NPR3: variants seen among roughly 807,000 people sequenced by gnomAD.
NPR3 encodes the protein natriuretic peptide receptor 3.
NPR3 carries 34 observed loss-of-function variants against 54.5 expected under a neutral mutation model. That is an observed-to-expected ratio of 0.62 (90% CI 0.47 to 0.83). The LOEUF (loss-of-function observed/expected upper bound fraction) is 0.83, where lower values mean the gene tolerates loss of function less well. Ranked by LOEUF, NPR3 falls within the 40% of genes least tolerant of loss-of-function variation. NPR3 has a pLI of 0.00. For synonymous variants in NPR3, 289 were observed against 297.1 expected, an observed-to-expected ratio of 0.97 and a Z score of 0.28; for missense variants, 674 against 720.8, an observed-to-expected ratio of 0.94 and a Z score of 0.74.
chr5:32,746,666 T>C (rs1198349434), intron 3 of NPR3, among the ~76,000 whole-genome samples: 1 of 152,256 alleles, frequency 6.6e-6, no homozygotes, highest in African/African-American at 2.4e-5. Flanking sequence ...TGTTTTTGCA[T>C]TATGCTTTTA....
chr5:32,742,328 G>A (rs1287220035), intron 3 of NPR3, among the ~76,000 whole-genome samples: 1 of 151,990 alleles, frequency 6.6e-6, no homozygotes, highest in Non-Finnish European at 1.5e-5. Context: ...TTAATTGAAA[G>A]TGTACTTAAG....
At position 32,788,504 on chromosome 5, in the gene NPR3, C is replaced by T. The variant is rs779076396; in HGVS notation, c.*2159C>T. On this transcript the variant is annotated 3_prime_UTR_variant, in exon 8 of 8. Transcript: ENST00000265074. ...TATATTTTAGAGATATTCATTTTCT[C>T]TTATCTTGTGCTTGTAAAAAGCATT... The T allele has an allele frequency of 2.6e-5, 4 of 152,112 alleles. No individual in the cohort carries two copies. The highest frequency in any genetic ancestry group is 5.9e-5 in the Non-Finnish European group (4 of 68,002). The allele number at this position is 152,112 out of a possible 1,614,324, so 9.4% of individuals were successfully genotyped here.
intron 2 of NPR3, among the ~76,000 whole-genome samples, chr5:32,733,996 C>T (rs1224425406): frequency 6.6e-6 from 1 of 152,146 alleles, no homozygotes; most frequent in Non-Finnish European, 1.5e-5. Flanking sequence ...CCTCAATTTC[C>T]TCATCTGTAA....
upstream of NPR3, chr5:32,710,669 C>T: frequency 6.6e-7 from 1 of 1,516,044 alleles, no homozygotes; most frequent in Non-Finnish European, 8.9e-7. Flanking sequence ...CGCGATGGAG[C>T]CATCTGCACT....
intron 1 of NPR3, among the ~76,000 whole-genome samples, chr5:32,701,610 A>C (rs1193070654): frequency 6.6e-6 from 1 of 152,152 alleles, no homozygotes; most frequent in East Asian, 1.9e-4. Context: ...TTAGGCATCT[A>C]TTGTAGTCTT....
chr5:32,713,483 C>A (rs1419776452), intron 1 of NPR3: 1 of 982,756 alleles, frequency 1.0e-6, no homozygotes, highest in Non-Finnish European at 1.2e-6. Context: ...GGTATAGCGC[C>A]GATCCCTCCT....
chr5:32,789,355 T>C lies in NPR3; in HGVS notation c.*3010T>C. 1 of 444,724 alleles carries C rather than the reference T, an allele frequency of 2.2e-6. No individual in the cohort carries two copies. The highest frequency in any genetic ancestry group is 1.8e-5 in the South Asian group (1 of 54,470). The allele number at this position is 444,724 out of a possible 1,614,324, so 27.5% of individuals were successfully genotyped here. On this transcript the variant is annotated 3_prime_UTR_variant, in exon 8 of 8. Coordinates refer to ENST00000265074, the MANE Select transcript of NPR3 (RefSeq NM_001204375.2). ...CCAGATAACTTCAATCTGGAAAGAA[T>C]TTTTTGTATAGAGTCCATCTCTCCC...
chr5:32,776,566 A>G (rs998714461), intron 4 of NPR3, among the ~76,000 whole-genome samples: 34 of 152,206 alleles, frequency 2.2e-4, no homozygotes, highest in African/African-American at 7.0e-4. Flanking sequence ...GTTTCCTCTC[A>G]CCTCACCAAC....
At chr5:32,728,311 A>T (rs1056974477) in intron 2 of NPR3, among the ~76,000 whole-genome samples, 3 of 152,002 alleles carry the variant, frequency 2.0e-5, no homozygotes, top group Non-Finnish European at 4.4e-5. Context: ...AAAAATACAA[A>T]AATTAGCTGG....
At chr5:32,759,475 C>G (rs144891674) in intron 3 of NPR3, among the ~76,000 whole-genome samples, 1 of 152,028 alleles carries the variant, frequency 6.6e-6, no homozygotes, top group Admixed American at 6.6e-5. Flanking sequence ...TCCTCCATCC[C>G]TTTATTTTGA....
At chr5:32,695,883 C>G (rs1011596526) in intron 1 of NPR3, among the ~76,000 whole-genome samples, 3 of 152,126 alleles carry the variant, frequency 2.0e-5, no homozygotes, top group African/African-American at 7.2e-5. Flanking sequence ...AGATATTTTC[C>G]TATAGAGTTG....
At chr5:32,775,076 A>G (rs1293015775) in intron 4 of NPR3, among the ~76,000 whole-genome samples, 1 of 152,218 alleles carries the variant, frequency 6.6e-6, no homozygotes, top group African/African-American at 2.4e-5. Context: ...TATTTAGGTA[A>G]TAGCTCTATG....
chr5:32,748,320 C>T (rs1740407178), intron 3 of NPR3, among the ~76,000 whole-genome samples: 1 of 152,086 alleles, frequency 6.6e-6, no homozygotes, highest in Admixed American at 6.5e-5. Context: ...AAAATAGAGC[C>T]TATGCCAGGT....
chr5:32,770,192 G>T (rs1741681721), intron 3 of NPR3, among the ~76,000 whole-genome samples: 2 of 152,120 alleles, frequency 1.3e-5, no homozygotes, highest in Admixed American at 6.6e-5. Flanking sequence ...AGCACTTTGG[G>T]AGGCTAAGGT....
intron 3 of NPR3, among the ~76,000 whole-genome samples, chr5:32,752,469 C>T (rs144844472): frequency 1.3e-5 from 2 of 152,264 alleles, no homozygotes; most frequent in East Asian, 3.9e-4. Flanking sequence ...GCTGTATTTG[C>T]CGCCCTTCCA....
At chr5:32,744,979 T>C in intron 3 of NPR3, among the ~76,000 whole-genome samples, 1 of 152,316 alleles carries the variant, frequency 6.6e-6, no homozygotes, top group Non-Finnish European at 1.5e-5. Flanking sequence ...ATTATGGTTA[T>C]TATTTTTGTT....
intron 3 of NPR3, among the ~76,000 whole-genome samples, chr5:32,755,620 G>C (rs1027027658): frequency 2.0e-5 from 3 of 152,202 alleles, no homozygotes; most frequent in African/African-American, 7.2e-5. Context: ...CTTAGAACTA[G>C]AGACGCATTA....
At chr5:32,735,303 T>A (rs556197266) in intron 2 of NPR3, among the ~76,000 whole-genome samples, 162 of 152,290 alleles carry the variant, frequency 1.1e-3, no homozygotes, top group African/African-American at 3.8e-3. Context: ...TCCTTTTCTC[T>A]TTGGCGTCAT....
At chr5:32,735,112 T>G (rs1188855618) in intron 2 of NPR3, among the ~76,000 whole-genome samples, 1 of 152,214 alleles carries the variant, frequency 6.6e-6, no homozygotes, top group African/African-American at 2.4e-5. Context: ...CAGCACGGTC[T>G]CTAGTCCTCA....
Sources: gnomAD v4.1 joint callset for allele counts (sites outside exome capture counted in the v4.1 genomes callset) on GRCh38, gnomAD v4.1.1 for gene constraint, MANE v1.5 for transcripts, NCBI Gene and HGNC (gene_info 2026-07-23, HGNC 2026-07-21) for gene names.